The following APLP2 variants were observed in gnomAD, a reference collection of about 807,000 sequenced individuals.
The protein encoded by APLP2 is amyloid beta precursor like protein 2, also known as CDEI box-binding protein.
Under a neutral mutation model 89.9 loss-of-function variants are expected in APLP2, and 53 were observed. That is an observed-to-expected ratio of 0.59 (90% CI 0.47 to 0.74). The LOEUF (loss-of-function observed/expected upper bound fraction) is 0.74. APLP2 is among the 30% of genes least tolerant of loss of function. The pLI is 0.00. For missense variants in APLP2, 973 were observed against 975.9 expected (o/e 1.00, Z 0.04); for synonymous variants, 372 against 348.6 (o/e 1.07, Z -0.75).
At chr11:130,120,218 GC>G (rs1169016911) in intron 3 of APLP2, among the ~76,000 whole-genome samples, 1 of 152,088 alleles carries the variant, frequency 6.6e-6, no homozygotes, top group Non-Finnish European at 1.5e-5. Flanking sequence ...AGACACCTTT[GC>G]CCCTTTGTAA....
chr11:130,143,141 C>T lies in APLP2; in HGVS notation c.2155-206C>T, dbSNP rs1487067036. ...GTGAGGGCTAAGCTTTCAGGGCTCT[C>T]GTTTCGAAAGCATTGCCTCTTTGAT... On this transcript the variant is annotated intron_variant, in intron 16 of 16. Coordinates refer to ENST00000338167, the MANE Select transcript of APLP2 (RefSeq NM_001142276.2). 3.9e-5 allele frequency among the ~76,000 whole-genome samples: 6 copies of T among 152,258 alleles called. No homozygotes were observed. The East Asian group carries it at 7.7e-4, about 20-fold the overall frequency.
At chr11:130,095,313 A>G (rs1473712325) in intron 1 of APLP2, among the ~76,000 whole-genome samples, 1 of 152,232 alleles carries the variant, frequency 6.6e-6, no homozygotes, top group Non-Finnish European at 1.5e-5. Context: ...TTGAGACTGC[A>G]GTGACCTATC....
chr11:130,143,816 A>T lies in APLP2; in HGVS notation c.*368A>T, dbSNP rs769564935. ...GATTTTCAATAATAGACTTATATGCAGGCTGTCGTTCCGGTTATGTTGTGT... is the reference window on the plus strand; with the variant it reads ...GATTTTCAATAATAGACTTATATGCTGGCTGTCGTTCCGGTTATGTTGTGT... On this transcript the variant is annotated 3_prime_UTR_variant, in exon 17 of 17. Transcript: ENST00000338167. 5 of 187,968 alleles carry T rather than the reference A, an allele frequency of 2.7e-5. No individual in the cohort carries two copies. Among genetic ancestry groups the T allele is most frequent in the Admixed American group, 1.7e-4 (3 of 17,794 alleles). The allele number at this position is 187,968 out of a possible 1,614,324, so 11.6% of individuals were successfully genotyped here.
At position 130,123,500 on chromosome 11, in the gene APLP2, G is replaced by T. The variant is rs182978294; in HGVS notation, c.923-112G>T. On this transcript the variant is annotated intron_variant, in intron 6 of 16. Coordinates refer to ENST00000338167, the MANE Select transcript of APLP2 (RefSeq NM_001142276.2). The surrounding 1 kb of genome is among the most constrained non-coding windows in gnomAD (Gnocchi z 4.0). Reference sequence around the variant, plus strand: ...TTCGGCCACCGGGCCTCCAGGCTCCGTCCAGTCTCAGGCCTCCCCCAGCCC... The same window carrying T: ...TTCGGCCACCGGGCCTCCAGGCTCCTTCCAGTCTCAGGCCTCCCCCAGCCC... The T allele has an allele frequency of 4.1e-5, 50 of 1,204,882 alleles. No homozygotes were observed. The African/African-American group carries it at 7.2e-4, about 17-fold the overall frequency. 74.6% of individuals were successfully genotyped at this position (1,204,882 alleles called of 1,614,324 possible). A position where few individuals can be genotyped will look rare whatever the true frequency, so the allele number is the denominator to read the frequency against.
At chr11:130,122,169 C>CT in intron 5 of APLP2, 136 bp from the exon 6 acceptor site, 1 of 1,053,414 alleles carries the variant, frequency 9.5e-7, no homozygotes, top group Non-Finnish European at 1.4e-6. Flanking sequence ...GGCCCCAGGG[C>CT]TTAGTGGCAC....
chr11:130,133,577 T>C, intron 11 of APLP2, 52 bp from the exon 12 acceptor site: 2 of 1,366,232 alleles, frequency 1.5e-6, no homozygotes, highest in East Asian at 2.3e-5. Flanking sequence ...AGTTCCCTCC[T>C]GGCCTAGTTG....
chr11:130,070,861 G>A, intron 1 of APLP2: 1 of 1,045,956 alleles, frequency 9.6e-7, no homozygotes, highest in Admixed American at 4.2e-5. Flanking sequence ...CAGTGGTTGT[G>A]CTTCGAGGTC....
intron 3 of APLP2, among the ~76,000 whole-genome samples, chr11:130,118,782 G>A (rs1949500385): frequency 6.6e-6 from 1 of 152,176 alleles, no homozygotes; most frequent in African/African-American, 2.4e-5. Context: ...CTCCCCTAGA[G>A]CCTTTGGGGT....
chr11:130,092,222 C>T (rs1422570901), intron 1 of APLP2, among the ~76,000 whole-genome samples: 1 of 140,734 alleles, frequency 7.1e-6, no homozygotes, highest in East Asian at 2.4e-4. Flanking sequence ...GGCGGAGACG[C>T]TCCTCACTTT....
intron 3 of APLP2, among the ~76,000 whole-genome samples, chr11:130,112,170 T>C (rs1157557901): frequency 6.6e-6 from 1 of 152,190 alleles, no homozygotes; most frequent in Non-Finnish European, 1.5e-5. Context: ...CACAGGGCAT[T>C]CCGGGATGTT....
At chr11:130,074,299 TC>T (rs1158407386) in intron 1 of APLP2, among the ~76,000 whole-genome samples, 1 of 152,062 alleles carries the variant, frequency 6.6e-6, no homozygotes. Flanking sequence ...TACTGCAACC[TC>T]CGTTTTTCAG....
intron 1 of APLP2, among the ~76,000 whole-genome samples, chr11:130,076,028 C>T (rs1189368421): frequency 4.6e-5 from 7 of 152,066 alleles, no homozygotes; most frequent in Admixed American, 1.3e-4. Flanking sequence ...TTTTTTCTTT[C>T]GCATCATTCA....
Position 130,106,552 on chromosome 11 carries a change from T to C in APLP2, c.106-2877T>C, listed in dbSNP as rs73041261. ...AAGTCCTTTCTTGGTCTGCAGACTCTTGTCCCGGCATGCCTCTCCCACCAT... is the reference window on the plus strand; with the variant it reads ...AAGTCCTTTCTTGGTCTGCAGACTCCTGTCCCGGCATGCCTCTCCCACCAT... On this transcript the variant is annotated intron_variant, in intron 1 of 16. Transcript: ENST00000338167. Among the ~76,000 whole-genome samples, 474 of 152,314 alleles carry C rather than the reference T, an allele frequency of 3.1e-3. 2 individuals carry two copies. Among genetic ancestry groups the C allele is most frequent in the Admixed American group, 6.7e-3 (102 of 15,296 alleles).
chr11:130,099,748 TGGGAA>T (rs910729097), intron 1 of APLP2, among the ~76,000 whole-genome samples: 3 of 152,232 alleles, frequency 2.0e-5, no homozygotes, highest in Non-Finnish European at 4.4e-5. Context: ...ATCCTGGATT[TGGGAA>T]GGATGGCCAG....
intron 1 of APLP2, chr11:130,070,706 C>T (rs1940845815): frequency 2.7e-6 from 4 of 1,477,060 alleles, no homozygotes; most frequent in African/African-American, 1.5e-5. Flanking sequence ...TTTTAAGTGG[C>T]GCTGTTTGCC....
At chr11:130,129,524 A>C (rs1950706268) in intron 10 of APLP2, among the ~76,000 whole-genome samples, 2 of 152,214 alleles carry the variant, frequency 1.3e-5, no homozygotes, top group Non-Finnish European at 2.9e-5. Context: ...CTATTCATGA[A>C]GACTTTTGAA....
intron 3 of APLP2, among the ~76,000 whole-genome samples, chr11:130,116,257 G>A (rs1949143072): frequency 6.6e-6 from 1 of 151,992 alleles, no homozygotes. Context: ...TTGTTTGTTT[G>A]TTCAATGATT....
intron 12 of APLP2, among the ~76,000 whole-genome samples, chr11:130,135,105 G>A (rs899572445): frequency 1.3e-5 from 2 of 148,996 alleles, no homozygotes; most frequent in African/African-American, 2.6e-5. Context: ...GGGTGGATAC[G>A]TCTAGAGATG....
intron 1 of APLP2, among the ~76,000 whole-genome samples, chr11:130,088,103 A>G (rs1944390958): frequency 2.0e-5 from 3 of 152,232 alleles, no homozygotes; most frequent in Admixed American, 2.0e-4. Context: ...ACTTGTCACA[A>G]AATGTGGATG....
Sources: gnomAD v4.1 joint callset for allele counts (sites outside exome capture counted in the v4.1 genomes callset) on GRCh38, gnomAD v4.1.1 for gene constraint, Gnocchi (gnomAD v3.1) non-coding constraint, MANE v1.5 for transcripts, NCBI Gene and HGNC (gene_info 2026-07-23, HGNC 2026-07-21) for gene names.